NPAT: variants seen among roughly 807,000 people sequenced by gnomAD.
NPAT encodes nuclear protein, coactivator of histone transcription.
Under a neutral mutation model 130.7 loss-of-function variants are expected in NPAT, and 52 were observed. The observed-to-expected ratio is 0.40, with a 90% confidence interval of 0.32 to 0.50. NPAT has a LOEUF of 0.50. Among genes scored for constraint, NPAT ranks in the 20% least tolerant of loss-of-function variants. The probability of loss-of-function intolerance (pLI) is 0.68; values close to 1 mark genes in which losing one functional copy is unlikely to be tolerated. For missense variants in NPAT, 1,687 were observed against 1,662.6 expected, an observed-to-expected ratio of 1.01 and a Z score of -0.26; for synonymous variants, 580 against 584.8, an observed-to-expected ratio of 0.99 and a Z score of 0.12.
chr11:108,211,112 G>A (rs568120857), intron 1 of NPAT, among the ~76,000 whole-genome samples: 2 of 152,162 alleles, frequency 1.3e-5, no homozygotes, highest in South Asian at 2.1e-4. Flanking sequence ...CCAGCTACTC[G>A]GGAGGCTGGG....
In NPAT at chr11:108,197,435, A is replaced by T; in HGVS notation, c.38-15T>A. On this transcript the variant is annotated splice_polypyrimidine_tract_variant and intron_variant, in intron 1 of 17. Coordinates refer to ENST00000278612, the MANE Select transcript of NPAT (RefSeq NM_002519.3). ...CTGTAAGTAACCTAAATAAAAAATA[A>T]AAGTTTAGGTACTTATACTAAATTC... 1 of 1,481,780 alleles carries T rather than the reference A, an allele frequency of 6.7e-7. No homozygotes were observed. The highest frequency in any genetic ancestry group is 9.4e-7 in the Non-Finnish European group (1 of 1,059,666). 91.8% of individuals were successfully genotyped at this position (1,481,780 alleles called of 1,614,324 possible). A position where few individuals can be genotyped will look rare whatever the true frequency, so the allele number is the denominator to read the frequency against.
In NPAT at chr11:108,157,215, G is replaced by A. The variant is rs1197692173; in HGVS notation, c.*1727C>T. ...TGGTTAGTTAACTATGAATCTTGAA[G>A]AAAGTAAACTTATTTTATTTGTATA... On this transcript the variant is annotated 3_prime_UTR_variant, in exon 18 of 18. Coordinates refer to ENST00000278612, the MANE Select transcript of NPAT (RefSeq NM_002519.3). 2 of 152,120 alleles carry A rather than the reference G, an allele frequency of 1.3e-5. No individual in the cohort carries two copies. The highest frequency in any genetic ancestry group is 2.4e-5 in the African/African-American group (1 of 41,430). 9.4% of individuals were successfully genotyped at this position (152,120 alleles called of 1,614,324 possible). A position where few individuals can be genotyped will look rare whatever the true frequency, so the allele number is the denominator to read the frequency against.
chr11:108,210,462 T>G (rs2078374085), intron 1 of NPAT, among the ~76,000 whole-genome samples: 1 of 152,190 alleles, frequency 6.6e-6, no homozygotes, highest in African/African-American at 2.4e-5. Context: ...AGAGGCCAGC[T>G]TCCCCCTTCA....
chr11:108,160,747 T>C lies in NPAT; in HGVS notation c.4206+133A>G, dbSNP rs1034162483. ...TGGTCCTGTGATCATGGTTATGTATTTTGTCAATGAAAACTAAAAGCTGTC... is the reference window on the plus strand; with the variant it reads ...TGGTCCTGTGATCATGGTTATGTATCTTGTCAATGAAAACTAAAAGCTGTC... On this transcript the variant is annotated intron_variant, in intron 17 of 17. Coordinates refer to ENST00000278612, the MANE Select transcript of NPAT (RefSeq NM_002519.3). 3.8e-6 allele frequency: 3 copies of C among 781,982 alleles called. No individual in the cohort carries two copies. The African/African-American group carries it at 5.2e-5, about 14-fold the overall frequency. 48.4% of individuals were successfully genotyped at this position (781,982 alleles called of 1,614,324 possible).
At chr11:108,162,407 A>G (rs563088984) in intron 15 of NPAT, among the ~76,000 whole-genome samples, 72 of 152,328 alleles carry the variant, frequency 4.7e-4, no homozygotes, top group Admixed American at 8.5e-4. Context: ...AATAAATGAC[A>G]TGCATCAACT....
At position 108,161,415 on chromosome 11, in the gene NPAT, C is replaced by A. The variant is rs201289703; in HGVS notation, c.3671G>T (p.Gly1224Val). The A allele has an allele frequency of 1.9e-6, 3 of 1,614,160 alleles. No homozygotes were observed. The highest frequency in any genetic ancestry group is 1.7e-6 in the Non-Finnish European group (2 of 1,180,004). ...SSNNKNVLSV[G>V]TAVKDLKQEQ... is the part of the protein sequence containing the mutation. ...TTGTTTTAGATCCTTCACAGCTGTA[C>A]CTACTGAAAGTACATTTTTATTGTT... Residue 1224 changes from glycine to valine, a missense_variant, in exon 17 of 18, where the codon GGT (glycine) becomes GTT (valine). By Grantham distance (109) the Gly-to-Val change is moderately radical. Transcript: ENST00000278612.
intron 13 of NPAT, chr11:108,171,040 T>G (rs2134832759): frequency 6.6e-6 from 1 of 151,970 alleles, no homozygotes; most frequent in East Asian, 1.9e-4. Flanking sequence ...CAATAAAAAA[T>G]TATCAATATG....
At chr11:108,199,400 A>T (rs2078253593) in intron 1 of NPAT, among the ~76,000 whole-genome samples, 1 of 152,216 alleles carries the variant, frequency 6.6e-6, no homozygotes, top group Non-Finnish European at 1.5e-5. Context: ...ATGAGCCTAG[A>T]GGCGAGCGAG....
chr11:108,177,160 A>G (rs2078016060), intron 10 of NPAT, 70 bp from the exon 11 acceptor site: 6 of 688,962 alleles, frequency 8.7e-6, no homozygotes, highest in Admixed American at 4.8e-5. Flanking sequence ...TTATATATAT[A>G]TAAGACAGGG....
At chr11:108,195,121 C>T (rs1355397801) in intron 2 of NPAT, among the ~76,000 whole-genome samples, 1 of 152,222 alleles carries the variant, frequency 6.6e-6, no homozygotes, top group Non-Finnish European at 1.5e-5. Flanking sequence ...CACACTTAGC[C>T]TGTTTTCAGT....
At chr11:108,179,390 C>A (rs1174822187) in intron 10 of NPAT, among the ~76,000 whole-genome samples, 2 of 152,082 alleles carry the variant, frequency 1.3e-5, no homozygotes, top group African/African-American at 2.4e-5. Flanking sequence ...GCCTCAGCCT[C>A]CCAAGTAGCT....
intron 1 of NPAT, 95 bp from the exon 2 acceptor site, chr11:108,197,515 A>C: frequency 4.8e-6 from 4 of 833,082 alleles, no homozygotes; most frequent in Non-Finnish European, 8.4e-6. Flanking sequence ...CTGATGTCAC[A>C]ATTGAAACCT....
chr11:108,174,927 G>C (rs2077990322), intron 12 of NPAT, among the ~76,000 whole-genome samples: 1 of 152,152 alleles, frequency 6.6e-6, no homozygotes, highest in Admixed American at 6.5e-5. Flanking sequence ...CCTGGAAAAA[G>C]TGTTTCAGAA....
At chr11:108,160,331 T>C (rs945753308) in intron 17 of NPAT, among the ~76,000 whole-genome samples, 4 of 151,492 alleles carry the variant, frequency 2.6e-5, no homozygotes, top group Non-Finnish European at 5.9e-5. Context: ...CTCAAAAAAA[T>C]GGAAAAACAT....
At position 108,161,556 on chromosome 11, in the gene NPAT, C is replaced by A. The variant is rs1270504934; in HGVS notation, c.3530G>T (p.Arg1177Ile). 6.2e-7 allele frequency: 1 copy of A among 1,614,162 alleles called. No individual in the cohort carries two copies. Among genetic ancestry groups the A allele is most frequent in the Non-Finnish European group, 8.5e-7 (1 of 1,180,008 alleles). Reference sequence around the variant, plus strand: ...TTTTGAATTTTCTGGATTTTTCTGTCTTTCTACATCGCTGCATAATTCATT... The same window carrying A: ...TTTTGAATTTTCTGGATTTTTCTGTATTTCTACATCGCTGCATAATTCATT... The part of the protein sequence containing the change: ...KENELCSDVE[R>I]QKNPENSKLS... Residue 1177 changes from arginine to isoleucine, a missense_variant, in exon 17 of 18, where the codon AGA becomes ATA. Physicochemically the swap from Arg to Ile is moderately conservative, Grantham distance 97. This residue lies in a region of NPAT where 1,379 missense variants were observed against 1,346.6 expected (regional missense o/e 1.02). Coordinates refer to ENST00000278612, the MANE Select transcript of NPAT (RefSeq NM_002519.3).
intron 1 of NPAT, chr11:108,208,658 T>G (rs1345054112): frequency 3.5e-6 from 1 of 284,498 alleles, no homozygotes; most frequent in East Asian, 1.2e-4. Context: ...GCCCAAAGTA[T>G]AAAGCAAACT....
intron 1 of NPAT, among the ~76,000 whole-genome samples, chr11:108,198,222 T>C (rs942638185): frequency 6.6e-5 from 10 of 152,130 alleles, no homozygotes; most frequent in African/African-American, 2.4e-4. Flanking sequence ...AAGAAAAATC[T>C]AATCTCAAGA....
chr11:108,168,742 G>A (rs1280268190), intron 15 of NPAT, among the ~76,000 whole-genome samples: 1 of 152,150 alleles, frequency 6.6e-6, no homozygotes, highest in Non-Finnish European at 1.5e-5. Flanking sequence ...GGTAAGAGTT[G>A]GGTAAGAAGG....
intron 1 of NPAT, among the ~76,000 whole-genome samples, chr11:108,207,258 G>A (rs1407478480): frequency 6.6e-6 from 1 of 152,222 alleles, no homozygotes; most frequent in Admixed American, 6.5e-5. Context: ...ATGGGTCCAT[G>A]GACAGCCATG....
Sources: allele counts gnomAD v4.1 joint callset (sites outside exome capture counted in the v4.1 genomes callset), GRCh38; gene constraint gnomAD v4.1.1; regional missense constraint gnomAD v4.1.1; transcripts MANE v1.5; gene names NCBI Gene and HGNC (gene_info 2026-07-23, HGNC 2026-07-21).